LRBA: variants seen among roughly 807,000 people sequenced by gnomAD.
The protein encoded by LRBA is lipopolysaccharide-responsive and beige-like anchor protein.
Under a neutral mutation model 330.0 loss-of-function variants are expected in LRBA, and 176 were observed. The observed-to-expected ratio is 0.53, with a 90% CI of 0.47 to 0.60. LRBA has a LOEUF of 0.60. Among genes scored for constraint, LRBA ranks in the 20% least tolerant of loss-of-function variants. The pLI, the probability that LRBA is intolerant of heterozygous loss-of-function variation, is 0.00. For missense variants in LRBA, 3,259 were observed against 3,444.8 expected, an observed-to-expected ratio of 0.95 and a Z score of 1.35; for synonymous variants, 1,230 against 1,193.0, an observed-to-expected ratio of 1.03 and a Z score of -0.64.
intron 46 of LRBA, among the ~76,000 whole-genome samples, chr4:150,427,310 T>C (rs1165972751): frequency 1.3e-5 from 2 of 151,980 alleles, no homozygotes; most frequent in Non-Finnish European, 2.9e-5. Context: ...GTAAATAGCA[T>C]GAGAAGAAAA....
chr4:150,943,484 AT>A (rs1340353495), intron 2 of LRBA, among the ~76,000 whole-genome samples: 2 of 152,172 alleles, frequency 1.3e-5, no homozygotes, highest in East Asian at 3.8e-4. Context: ...GAAGCTTATT[AT>A]TGTAAGCTTC....
rs1333907867 is a variant in LRBA, at chr4:150,624,327, T to C, written c.5922-25196A>G. On this transcript the variant is annotated intron_variant, in intron 37 of 56. Coordinates refer to ENST00000651943, the MANE Select transcript of LRBA (RefSeq NM_001364905.1). ...CTCCCTATCAAAAAAAAAAAAAAAA[T>C]TGAAACCCAGGCTGGGCAATGGAGT... Among the ~76,000 whole-genome samples the C allele has an allele frequency of 7.5e-5, 11 of 146,224 alleles. No individual in the cohort carries two copies. The East Asian group carries it at 2.2e-3, about 29-fold the overall frequency.
At position 150,825,063 on chromosome 4, in the gene LRBA, C is replaced by CA. The variant is rs1281550163; in HGVS notation, c.5171+3116dup. Among the ~76,000 whole-genome samples, 1,002 of 120,868 alleles carry CA rather than the reference C, an allele frequency of 8.3e-3. 8 individuals are homozygous for CA. Among genetic ancestry groups the CA allele is most frequent in the African/African-American group, 0.026 (870 of 33,316 alleles). The allele number at this position is 120,868 out of a possible 152,430, so 79.3% of individuals were successfully genotyped here. ...GCAGGTGTGAGTCACTGCACCCAGA[C>CA]AAAAAAAAAAAATTCATAAAATGAA... On this transcript the variant is annotated intron_variant, in intron 30 of 56. Coordinates refer to ENST00000651943, the MANE Select transcript of LRBA (RefSeq NM_001364905.1).
chr4:150,589,022 G>C (rs1772469750), intron 39 of LRBA, among the ~76,000 whole-genome samples: 1 of 146,846 alleles, frequency 6.8e-6, no homozygotes, highest in Non-Finnish European at 1.5e-5. Context: ...ATATATGTCT[G>C]TTATGTCTGT....
intron 40 of LRBA, among the ~76,000 whole-genome samples, chr4:150,510,283 G>A (rs1490568669): frequency 6.6e-6 from 1 of 152,110 alleles, no homozygotes; most frequent in Non-Finnish European, 1.5e-5. Context: ...GACTACACTG[G>A]TAAATTCTAC....
intron 48 of LRBA, among the ~76,000 whole-genome samples, chr4:150,331,733 A>C (rs1734029524): frequency 6.6e-6 from 1 of 152,178 alleles, no homozygotes; most frequent in Non-Finnish European, 1.5e-5. Context: ...GAATATACTC[A>C]GACTTGCAAG....
At chr4:150,294,905 C>T (rs1433786325) in intron 53 of LRBA, among the ~76,000 whole-genome samples, 2 of 152,026 alleles carry the variant, frequency 1.3e-5, no homozygotes, top group Admixed American at 6.5e-5. Context: ...GAGCCAAGAT[C>T]CCACCACTGC....
At chr4:150,967,456 C>A (rs1418184237) in intron 2 of LRBA, among the ~76,000 whole-genome samples, 1 of 152,212 alleles carries the variant, frequency 6.6e-6, no homozygotes, top group African/African-American at 2.4e-5. Flanking sequence ...CCCACTTCTA[C>A]AAAACGACAT....
At chr4:150,317,748 T>A (rs1731904927) in intron 50 of LRBA, among the ~76,000 whole-genome samples, 1 of 152,198 alleles carries the variant, frequency 6.6e-6, no homozygotes, top group Non-Finnish European at 1.5e-5. Context: ...TTAAGGAGGT[T>A]TGCTGATGCT....
intron 34 of LRBA, among the ~76,000 whole-genome samples, chr4:150,796,143 A>C (rs998900841): frequency 1.1e-4 from 17 of 151,808 alleles, no homozygotes; most frequent in Non-Finnish European, 2.1e-4. Context: ...TCTCAGACCA[A>C]AAAAAATTAT....
Position 150,852,962 on chromosome 4 carries a change from A to C in LRBA, c.2767-19T>G, listed in dbSNP as rs762739622. On this transcript the variant is annotated intron_variant, in intron 22 of 56. Coordinates refer to ENST00000651943, the MANE Select transcript of LRBA (RefSeq NM_001364905.1). ...AAGTGACCTAGGTGAAAAATGTACA[A>C]TCAGTTAAAATATGCATGAGAAATG... The C allele has an allele frequency of 8.9e-6, 13 of 1,468,168 alleles. No homozygotes were observed. Among genetic ancestry groups the C allele is most frequent in the Non-Finnish European group, 4.6e-6 (5 of 1,090,396 alleles). 90.9% of individuals were successfully genotyped at this position (1,468,168 alleles called of 1,614,324 possible). A position where few individuals can be genotyped will look rare whatever the true frequency, so the allele number is the denominator to read the frequency against.
intron 37 of LRBA, among the ~76,000 whole-genome samples, chr4:150,654,405 T>A (rs935378157): frequency 6.6e-6 from 1 of 152,114 alleles, no homozygotes; most frequent in Non-Finnish European, 1.5e-5. Flanking sequence ...GCCAGGCTTG[T>A]CTCGAACTCA....
intron 37 of LRBA, among the ~76,000 whole-genome samples, chr4:150,618,624 A>G (rs575322790): frequency 9.9e-5 from 15 of 152,046 alleles, no homozygotes; most frequent in Non-Finnish European, 1.9e-4. Flanking sequence ...GCACCCTCTC[A>G]AGAACAAGCC....
intron 40 of LRBA, chr4:150,580,027 C>T: frequency 4.0e-6 from 1 of 246,966 alleles, no homozygotes; most frequent in Non-Finnish European, 8.1e-6. Flanking sequence ...CAGGCAGTTC[C>T]CAGAGCGCCG....
chr4:150,642,262 C>G (rs1404157625), intron 37 of LRBA, among the ~76,000 whole-genome samples: 1 of 151,710 alleles, frequency 6.6e-6, no homozygotes, highest in Non-Finnish European at 1.5e-5. Flanking sequence ...TTTGGTATTT[C>G]TACATAGTAT....
chr4:150,376,784 T>G (rs1174417542), intron 47 of LRBA, among the ~76,000 whole-genome samples: 1 of 151,664 alleles, frequency 6.6e-6, no homozygotes, highest in Non-Finnish European at 1.5e-5. Context: ...TAACCCCGGG[T>G]GTTTTTGTTT....
chr4:151,003,042 T>TTGTGTG (rs1480413708), intron 2 of LRBA, among the ~76,000 whole-genome samples: 1 of 72,114 alleles, frequency 1.4e-5, no homozygotes, highest in Admixed American at 2.0e-4. Context: ...GTGTATGTGT[T>TTGTGTG]TGCGTGTGTG....
At chr4:151,012,025 T>A (rs914887463) in intron 2 of LRBA, among the ~76,000 whole-genome samples, 3 of 152,088 alleles carry the variant, frequency 2.0e-5, no homozygotes, top group East Asian at 1.9e-4. Context: ...TGAAAGAGCA[T>A]GAAAAGTATT....
chr4:150,488,009 T>C (rs1239249036), intron 41 of LRBA, among the ~76,000 whole-genome samples, 175 bp from the exon 42 acceptor site: 2 of 151,712 alleles, frequency 1.3e-5, no homozygotes, highest in East Asian at 3.8e-4. Flanking sequence ...CCAGTGATAA[T>C]ATTCATTTCA....
Sources: allele counts gnomAD v4.1 joint callset (sites outside exome capture counted in the v4.1 genomes callset), GRCh38; gene constraint gnomAD v4.1.1; transcripts MANE v1.5; gene names NCBI Gene and HGNC (gene_info 2026-07-23, HGNC 2026-07-21).